KANSL1L: variants seen among roughly 807,000 people sequenced by gnomAD.
KANSL1L encodes KAT8 regulatory NSL complex subunit 1 like, also known as KAT8 regulatory NSL complex subunit 1-like protein.
KANSL1L carries 25 observed loss-of-function variants against 108.6 expected under a neutral mutation model. The observed-to-expected ratio is 0.23, with a 90% CI of 0.17 to 0.32. The LOEUF is 0.32. KANSL1L is among the 10% of genes least tolerant of loss of function. The pLI, the probability that KANSL1L is intolerant of heterozygous loss-of-function variation, is 1.00. For synonymous variants in KANSL1L, 405 were observed against 395.1 expected (o/e 1.03, Z -0.30); for missense variants, 1,137 against 1,125.7 (o/e 1.01, Z -0.14).
intron 2 of KANSL1L, among the ~76,000 whole-genome samples, chr2:210,137,100 T>G (rs1239463565): frequency 6.6e-6 from 1 of 152,224 alleles, no homozygotes; most frequent in Non-Finnish European, 1.5e-5. Flanking sequence ...TTTTTTGATG[T>G]GCATCCTTGA....
chr2:210,127,859 A>C (rs1348949941), intron 3 of KANSL1L, among the ~76,000 whole-genome samples: 1 of 150,966 alleles, frequency 6.6e-6, no homozygotes, highest in Non-Finnish European at 1.5e-5. Context: ...TATAAATCAT[A>C]TATCTGATAA....
intron 6 of KANSL1L, among the ~76,000 whole-genome samples, chr2:210,067,716 CAAA>C (rs569072484): frequency 2.2e-5 from 2 of 92,924 alleles, no homozygotes; most frequent in African/African-American, 4.6e-5. Context: ...ACCCTGTCTC[CAAA>C]AAAAAAAAAA....
chr2:210,154,367 C>T lies in KANSL1L; in HGVS notation c.216G>A (p.Gln72=). 1 of 1,610,862 alleles carries T rather than the reference C, an allele frequency of 6.2e-7. No homozygotes were observed. The highest frequency in any genetic ancestry group is 8.5e-7 in the Non-Finnish European group (1 of 1,178,774). The change falls in exon 2 of 15, where the codon CAG becomes CAA. Residue 72 remains glutamine, a synonymous_variant. Coordinates refer to ENST00000281772, the MANE Select transcript of KANSL1L (RefSeq NM_152519.4). ...FVNLKHFGSP[Q]SSKHYQTVFL... is the part of the protein sequence containing the mutation. ...AAACAGTCTGGTAATGTTTTGAAGA[C>T]TGAGGGGAGCCAAAATGTTTTAAAT...
rs13405054 is a variant in KANSL1L, at chr2:210,066,487, C to G, written c.1755+9065G>C. ...TGCCCACTTCTATGGCAAAGATATA[C>G]AGCATAATGAATTTTTACATAGGTA... On this transcript the variant is annotated intron_variant, in intron 6 of 14. Transcript: ENST00000281772. 8.4e-3 allele frequency among the ~76,000 whole-genome samples: 1,276 copies of G among 152,326 alleles called. 19 individuals carry two copies. The highest frequency in any genetic ancestry group is 0.029 in the African/African-American group (1,221 of 41,584).
chr2:210,168,164 A>G (rs921638096), intron 1 of KANSL1L, among the ~76,000 whole-genome samples: 2 of 152,068 alleles, frequency 1.3e-5, no homozygotes, highest in Admixed American at 6.5e-5. Flanking sequence ...TTAGTAAATT[A>G]GTTGCTAATT....
chr2:210,044,451 A>C lies in KANSL1L; in HGVS notation c.1756-347T>G, dbSNP rs956705254. ...AATCCTACTAGTTTTTTTTTTAGGGAGTTCCAACCATGCTGGATGGGTTCA... is the reference window on the plus strand; with the variant it reads ...AATCCTACTAGTTTTTTTTTTAGGGCGTTCCAACCATGCTGGATGGGTTCA... On this transcript the variant is annotated intron_variant, in intron 6 of 14. Coordinates refer to ENST00000281772, the MANE Select transcript of KANSL1L (RefSeq NM_152519.4). This position sits in a 1 kb window ranked among gnomAD's most constrained non-coding sequence, Gnocchi z 4.2. 1.3e-5 allele frequency among the ~76,000 whole-genome samples: 2 copies of C among 151,556 alleles called. No individual in the cohort carries two copies. The highest frequency in any genetic ancestry group is 3.9e-4 in the East Asian group (2 of 5,156).
chr2:210,150,570 G>C (rs2095295630), intron 2 of KANSL1L, among the ~76,000 whole-genome samples: 1 of 152,002 alleles, frequency 6.6e-6, no homozygotes, highest in African/African-American at 2.4e-5. Flanking sequence ...ATTACCTGAG[G>C]TCAAGAGCTT....
chr2:210,067,371 G>A (rs1275093498), intron 6 of KANSL1L, among the ~76,000 whole-genome samples: 2 of 152,048 alleles, frequency 1.3e-5, no homozygotes, highest in Non-Finnish European at 2.9e-5. Context: ...TCCTGGATGA[G>A]TTCCTAAGAG....
rs1190709283 is a variant in KANSL1L, at chr2:210,031,412, T to G, written c.2155+9A>C. The G allele has an allele frequency of 5.1e-6, 8 of 1,582,496 alleles. No homozygotes were observed. The Admixed American group carries it at 5.2e-5, about 10-fold the overall frequency. ...TATCACTACTGCTTATATCCTCACTTTAACCTACCTAATGCTGTTTCACTC... is the reference window on the plus strand; with the variant it reads ...TATCACTACTGCTTATATCCTCACTGTAACCTACCTAATGCTGTTTCACTC... On this transcript the variant is annotated intron_variant, in intron 9 of 14. Transcript: ENST00000281772.
At chr2:210,161,100 C>T (rs201971160) in intron 1 of KANSL1L, among the ~76,000 whole-genome samples, 9 of 151,582 alleles carry the variant, frequency 5.9e-5, no homozygotes, top group African/African-American at 1.5e-4. Context: ...GTGATTCTCC[C>T]GCCTCAGCCT....
At chr2:210,025,076 G>A (rs1371151384) in intron 13 of KANSL1L, 28 bp downstream of exon 13, 1 of 1,370,832 alleles carries the variant, frequency 7.3e-7, no homozygotes, top group African/African-American at 1.4e-5. Context: ...TGGATTCTAT[G>A]GCTTGGGGTT....
chr2:210,053,095 T>A (rs1476205773), intron 6 of KANSL1L, among the ~76,000 whole-genome samples: 2 of 152,220 alleles, frequency 1.3e-5, no homozygotes, highest in Non-Finnish European at 2.9e-5. Flanking sequence ...GAAGCATGAA[T>A]GATAGCATAC....
intron 3 of KANSL1L, among the ~76,000 whole-genome samples, chr2:210,127,128 T>TAG (rs1289437164): frequency 6.6e-6 from 1 of 152,148 alleles, no homozygotes; most frequent in Non-Finnish European, 1.5e-5. Context: ...TGGGATAGAA[T>TAG]AGAGAACCCA....
Position 210,022,867 on chromosome 2 carries a change from G to T in KANSL1L, c.*82C>A. On this transcript the variant is annotated 3_prime_UTR_variant, in exon 15 of 15. Transcript: ENST00000281772. Reference sequence around the variant, plus strand: ...TACATGCAGAACATGCTCTTATTCTGGAGGGGATGGGGGATCCAGAACAGG... The same window carrying T: ...TACATGCAGAACATGCTCTTATTCTTGAGGGGATGGGGGATCCAGAACAGG... The T allele has an allele frequency of 1.1e-6, 1 of 893,776 alleles. No homozygotes were observed. The highest frequency in any genetic ancestry group is 1.8e-6 in the Non-Finnish European group (1 of 556,620). 55.4% of individuals were successfully genotyped at this position (893,776 alleles called of 1,614,324 possible).
At chr2:210,146,665 G>A (rs2125613849) in intron 2 of KANSL1L, among the ~76,000 whole-genome samples, 1 of 152,314 alleles carries the variant, frequency 6.6e-6, no homozygotes, top group East Asian at 1.9e-4. Context: ...CCAAGAGGAT[G>A]AGTTTCTCCA....
intron 6 of KANSL1L, among the ~76,000 whole-genome samples, chr2:210,061,491 T>C (rs994295910): frequency 6.6e-6 from 1 of 152,238 alleles, no homozygotes; most frequent in Non-Finnish European, 1.5e-5. Context: ...AAATTATTAA[T>C]TGCAAGTGAA....
In KANSL1L at chr2:210,022,175, T is replaced by TTTTG. The variant is rs2093869267; in HGVS notation, c.*770_*773dup. On this transcript the variant is annotated 3_prime_UTR_variant, in exon 15 of 15. Transcript: ENST00000281772. ...ATTTGACTCAAATTTGCTTGCTTTA[T>TTTTG]TTTGTTAGGAGTAAACAGAAAGTAG... 1 of 152,074 alleles carries TTTTG rather than the reference T, an allele frequency of 6.6e-6. No homozygotes were observed. Among genetic ancestry groups the TTTTG allele is most frequent in the African/African-American group, 2.4e-5 (1 of 41,424 alleles). 9.4% of individuals were successfully genotyped at this position (152,074 alleles called of 1,614,324 possible).
intron 3 of KANSL1L, among the ~76,000 whole-genome samples, chr2:210,104,749 T>A (rs2125436322): frequency 6.6e-6 from 1 of 152,182 alleles, no homozygotes; most frequent in South Asian, 2.1e-4. Flanking sequence ...TTTACAAACA[T>A]CCAAACAACA....
chr2:210,028,790 T>C, intron 11 of KANSL1L, 55 bp downstream of exon 11: 2 of 1,295,852 alleles, frequency 1.5e-6, no homozygotes, highest in Non-Finnish European at 2.1e-6. Context: ...ACTTTGAAAA[T>C]TTAAGTTTAT....
Sources: gnomAD v4.1 joint callset for allele counts (sites outside exome capture counted in the v4.1 genomes callset) on GRCh38, gnomAD v4.1.1 for gene constraint, Gnocchi (gnomAD v3.1) non-coding constraint, MANE v1.5 for transcripts, NCBI Gene and HGNC (gene_info 2026-07-23, HGNC 2026-07-21) for gene names.